TRAPPC9: variants seen among roughly 807,000 people sequenced by gnomAD.
TRAPPC9 encodes IKK2 binding protein.
In TRAPPC9, 83 loss-of-function variants were observed where a neutral mutation model predicts 124.0. The ratio of observed to expected loss-of-function variants is 0.67; its 90% CI spans 0.56 to 0.80. TRAPPC9 has a LOEUF of 0.80. Ranked by LOEUF, TRAPPC9 falls within the 30% of genes least tolerant of loss-of-function variation. TRAPPC9 has a pLI of 0.00. For synonymous variants in TRAPPC9, 638 were observed against 617.5 expected (o/e 1.03, Z -0.49); for missense variants, 1,302 against 1,508.3 (o/e 0.86, Z 2.27).
chr8:140,295,632 A>C (rs1376293735), intron 11 of TRAPPC9, among the ~76,000 whole-genome samples: 1 of 152,250 alleles, frequency 6.6e-6, no homozygotes, highest in African/African-American at 2.4e-5. Context: ...CAACACACAA[A>C]GACTCGTGAA....
chr8:139,901,020 A>T (rs941926227), intron 20 of TRAPPC9, among the ~76,000 whole-genome samples: 1 of 150,988 alleles, frequency 6.6e-6, no homozygotes, highest in African/African-American at 2.4e-5. Flanking sequence ...TAAATAAATA[A>T]AAATAAAATA....
At chr8:140,163,952 C>T (rs923116213) in intron 17 of TRAPPC9, among the ~76,000 whole-genome samples, 6 of 152,094 alleles carry the variant, frequency 3.9e-5, no homozygotes, top group Non-Finnish European at 8.8e-5. Context: ...AATATCTCAC[C>T]TAATAAAAGA....
At chr8:139,967,727 G>A (rs1412220803) in intron 19 of TRAPPC9, among the ~76,000 whole-genome samples, 2 of 152,164 alleles carry the variant, frequency 1.3e-5, no homozygotes, top group Admixed American at 1.3e-4. Flanking sequence ...CCACAGCACT[G>A]TATGTTGTAT....
chr8:139,756,235 GT>G (rs1819761954), intron 21 of TRAPPC9, among the ~76,000 whole-genome samples: 1 of 130,440 alleles, frequency 7.7e-6, no homozygotes, highest in African/African-American at 3.2e-5. Context: ...AGGAGCCAGG[GT>G]TTGGGGATGA....
chr8:140,291,435 T>C (rs1309260530), intron 11 of TRAPPC9, among the ~76,000 whole-genome samples: 2 of 152,216 alleles, frequency 1.3e-5, no homozygotes, highest in East Asian at 3.9e-4. Flanking sequence ...CTGGGGTCAC[T>C]TGTGAGTAAC....
intron 17 of TRAPPC9, among the ~76,000 whole-genome samples, chr8:140,203,659 A>G (rs1223224992): frequency 6.6e-6 from 1 of 152,238 alleles, no homozygotes; most frequent in Non-Finnish European, 1.5e-5. Context: ...AGCACAAGGT[A>G]AATTCCGCAG....
chr8:139,833,774 C>T (rs1421170074), intron 21 of TRAPPC9, among the ~76,000 whole-genome samples: 1 of 152,144 alleles, frequency 6.6e-6, no homozygotes, highest in Non-Finnish European at 1.5e-5. Flanking sequence ...GTGTGCCCGT[C>T]ATTGGACTGA....
chr8:139,963,769 AAAAAAAAAC>A (rs1835506749), intron 19 of TRAPPC9, among the ~76,000 whole-genome samples: 3 of 117,106 alleles, frequency 2.6e-5, no homozygotes, highest in African/African-American at 5.6e-5. Flanking sequence ...AAAAAAAAAA[AAAAAAAAAC>A]AACTACAGAC....
chr8:140,455,999 G>A (rs1418390294), intron 1 of TRAPPC9, among the ~76,000 whole-genome samples: 1 of 152,224 alleles, frequency 6.6e-6, no homozygotes, highest in East Asian at 1.9e-4. Flanking sequence ...ACCGGTGGCC[G>A]CCAGGGGCTG....
chr8:139,992,880 C>T (rs1037409549), intron 18 of TRAPPC9, among the ~76,000 whole-genome samples: 14 of 151,904 alleles, frequency 9.2e-5, no homozygotes, highest in African/African-American at 2.7e-4. Context: ...ATCCCTACCT[C>T]ACATCATATA....
intron 9 of TRAPPC9, among the ~76,000 whole-genome samples, chr8:140,312,023 G>A (rs767477731): frequency 6.6e-6 from 1 of 152,218 alleles, no homozygotes; most frequent in Non-Finnish European, 1.5e-5. Flanking sequence ...AGCACCTGCT[G>A]TGCTCTAGGA....
chr8:140,092,202 C>CTT lies in TRAPPC9; in HGVS notation c.2557-68125_2557-68124dup, dbSNP rs59459486. On this transcript the variant is annotated intron_variant, in intron 17 of 22. Transcript: ENST00000438773. Reference sequence around the variant, plus strand: ...AACATTTTTTTTTACTTTAATTTTTCTTTTTTTTTTTTTTTGAGACGGAGT... The same window carrying CTT: ...AACATTTTTTTTTACTTTAATTTTTCTTTTTTTTTTTTTTTTTGAGACGGAGT... Among the ~76,000 whole-genome samples, 106 of 134,066 alleles carry CTT rather than the reference C, an allele frequency of 7.9e-4. 2 individuals carry two copies. The highest frequency in any genetic ancestry group is 1.6e-3 in the African/African-American group (60 of 36,378). The allele number at this position is 134,066 out of a possible 152,430, so 88.0% of individuals were successfully genotyped here.
intron 21 of TRAPPC9, among the ~76,000 whole-genome samples, chr8:139,767,262 G>T (rs1034617817): frequency 6.6e-6 from 1 of 152,240 alleles, no homozygotes; most frequent in Admixed American, 6.5e-5. Context: ...ACAGATGTGA[G>T]CCAAGTCTGT....
chr8:140,345,593 G>T (rs2067323418), intron 9 of TRAPPC9, among the ~76,000 whole-genome samples: 1 of 152,176 alleles, frequency 6.6e-6, no homozygotes, highest in Non-Finnish European at 1.5e-5. Context: ...GCCGGCACTG[G>T]GCTATACTTG....
chr8:140,369,394 G>A (rs549796964), intron 8 of TRAPPC9, among the ~76,000 whole-genome samples: 2 of 152,284 alleles, frequency 1.3e-5, no homozygotes, highest in South Asian at 2.1e-4. Context: ...CTTTGCCATC[G>A]CATCACTCAC....
intron 18 of TRAPPC9, among the ~76,000 whole-genome samples, chr8:140,004,308 A>G (rs1455312685): frequency 1.3e-5 from 2 of 152,136 alleles, no homozygotes; most frequent in African/African-American, 2.4e-5. Flanking sequence ...TAAAGTTAGA[A>G]CTCAAAAAAT....
chr8:140,349,121 C>A (rs1247970584), intron 9 of TRAPPC9, among the ~76,000 whole-genome samples: 3 of 121,002 alleles, frequency 2.5e-5, no homozygotes, highest in East Asian at 5.1e-4. Context: ...CTGAAGACGG[C>A]GCACGAGGGA....
chr8:140,427,605 T>C (rs904288854), intron 4 of TRAPPC9, among the ~76,000 whole-genome samples: 1 of 152,230 alleles, frequency 6.6e-6, no homozygotes, highest in African/African-American at 2.4e-5. Context: ...TTTCCCATCA[T>C]GGCAAAACAC....
At position 140,364,635 on chromosome 8, in the gene TRAPPC9, C is replaced by G. The variant is rs553561334; in HGVS notation, c.1352-4442G>C. 2.6e-5 allele frequency among the ~76,000 whole-genome samples: 4 copies of G among 152,130 alleles called. No individual in the cohort carries two copies. In the East Asian group the frequency reaches 7.8e-4, roughly 30 times the overall value. ...TCTCGCTGTCACCCAGGCTCGAGTGCAGTGGTGCATTCTCGGCTCACTGCA... is the reference window on the plus strand; with the variant it reads ...TCTCGCTGTCACCCAGGCTCGAGTGGAGTGGTGCATTCTCGGCTCACTGCA... On this transcript the variant is annotated intron_variant, in intron 8 of 22. Transcript: ENST00000438773.
Sources: allele counts gnomAD v4.1 joint callset (sites outside exome capture counted in the v4.1 genomes callset), GRCh38; gene constraint gnomAD v4.1.1; transcripts MANE v1.5; gene names NCBI Gene and HGNC (gene_info 2026-07-23, HGNC 2026-07-21).